The following CACNA2D1 variants were observed in gnomAD, a reference collection of about 807,000 sequenced individuals.
CACNA2D1 encodes the protein voltage-dependent calcium channel subunit alpha-2/delta-1.
Under a neutral mutation model 171.5 loss-of-function variants are expected in CACNA2D1, and 53 were observed. That is an observed-to-expected ratio of 0.31 (90% confidence interval 0.25 to 0.39). The LOEUF is 0.39. Ranked by LOEUF, CACNA2D1 falls within the 10% of genes least tolerant of loss-of-function variation. The pLI, the probability that CACNA2D1 is intolerant of heterozygous loss-of-function variation, is 1.00. For synonymous variants in CACNA2D1, 442 were observed against 443.1 expected (o/e 1.00, Z 0.03); for missense variants, 903 against 1,299.8 (o/e 0.69, Z 4.69).
intron 3 of CACNA2D1, among the ~76,000 whole-genome samples, chr7:82,257,733 G>T (rs578217590): frequency 1.3e-5 from 2 of 152,208 alleles, no homozygotes; most frequent in East Asian, 3.9e-4. Context: ...ATCTGGACTG[G>T]TTCTCACATT....
chr7:82,333,171 A>G (rs1354330943), intron 3 of CACNA2D1, among the ~76,000 whole-genome samples: 1 of 152,236 alleles, frequency 6.6e-6, no homozygotes, highest in African/African-American at 2.4e-5. Context: ...AAAGATATCA[A>G]TTCTTCTCAA....
At chr7:82,219,383 C>A (rs1801511819) in intron 3 of CACNA2D1, among the ~76,000 whole-genome samples, 1 of 151,948 alleles carries the variant, frequency 6.6e-6, no homozygotes, top group Admixed American at 6.6e-5. Context: ...ATTTCTGTAT[C>A]ACTTAAATGA....
chr7:81,983,179 T>G, intron 23 of CACNA2D1, 135 bp downstream of exon 23: 1 of 736,250 alleles, frequency 1.4e-6, no homozygotes, highest in Non-Finnish European at 2.4e-6. Context: ...TTTTTGCTGC[T>G]AAGTTTTGAG....
In CACNA2D1 at chr7:82,083,558, ATTCCACTATTATAAT is replaced by A. The variant is rs1287591655; in HGVS notation, c.658+1196_658+1210del. 2.0e-5 allele frequency among the ~76,000 whole-genome samples: 3 copies of A among 152,220 alleles called. No homozygotes were observed. The East Asian group carries it at 5.8e-4, about 29-fold the overall frequency. The stretch of plus-strand genomic sequence containing the variant: ...GTGAACAATATTCCATAAAGGGAAA[ATTCCACTATTATAAT>A]GATAAACTATGTAATATATTCCCAT... On this transcript the variant is annotated intron_variant, in intron 7 of 38. Coordinates refer to ENST00000356860, the MANE Select transcript of CACNA2D1 (RefSeq NM_000722.4).
intron 10 of CACNA2D1, among the ~76,000 whole-genome samples, chr7:82,039,521 ACATTAT>A (rs1486410242): frequency 6.6e-6 from 1 of 152,194 alleles, no homozygotes; most frequent in Non-Finnish European, 1.5e-5. Context: ...TGCAAGATAA[ACATTAT>A]CATTATCCCC....
Position 82,128,631 on chromosome 7 carries a change from C to A in CACNA2D1, c.396+8004G>T, listed in dbSNP as rs530544849. ...TCAATAGATTACACTCGAATGTATC[C>A]TTCTTTCTACACAAACATGATCCTG... is the stretch of plus-strand genomic sequence containing the variant. On this transcript the variant is annotated intron_variant, in intron 5 of 38. Transcript: ENST00000356860. Among the ~76,000 whole-genome samples, 112 of 152,240 alleles carry A rather than the reference C, an allele frequency of 7.4e-4. 2 individuals are homozygous for A. The highest frequency in any genetic ancestry group is 2.6e-3 in the African/African-American group (110 of 41,542).
rs141049865 is a variant in CACNA2D1 at position 82,161,693 on chromosome 7, A to G, written c.354+8857T>C. 5.8e-3 allele frequency among the ~76,000 whole-genome samples: 880 copies of G among 152,188 alleles called. 8 individuals carry two copies. The highest frequency in any genetic ancestry group is 0.02 in the African/African-American group (830 of 41,560). ...GCTGATGGAGAAAAGTAATAGAAAT[A>G]ATAGTTCACTTGCGAATGTTAGTCT... On this transcript the variant is annotated intron_variant, in intron 4 of 38. Coordinates refer to ENST00000356860, the MANE Select transcript of CACNA2D1 (RefSeq NM_000722.4).
rs1474580913 is a variant in CACNA2D1, at chr7:82,370,432, ACTC to A, written c.96-20786_96-20784del. ...AAATGATTAAAATTAGTGATAAGAAACTCAGCCTCATTAATAACCAATTAAATA... is the reference window on the plus strand; with the variant it reads ...AAATGATTAAAATTAGTGATAAGAAAAGCCTCATTAATAACCAATTAAATA... On this transcript the variant is annotated intron_variant, in intron 1 of 38. Transcript: ENST00000356860. 3.3e-5 allele frequency among the ~76,000 whole-genome samples: 5 copies of A among 152,052 alleles called. No individual in the cohort carries two copies. In the East Asian group the frequency reaches 9.6e-4, roughly 29 times the overall value.
At chr7:82,262,590 A>C (rs1467370221) in intron 3 of CACNA2D1, among the ~76,000 whole-genome samples, 1 of 152,180 alleles carries the variant, frequency 6.6e-6, no homozygotes, top group Non-Finnish European at 1.5e-5. Context: ...GTCAGGACTC[A>C]GAAAATGATA....
intron 7 of CACNA2D1, among the ~76,000 whole-genome samples, chr7:82,077,260 C>CATTTA (rs1277544556): frequency 6.6e-6 from 1 of 152,136 alleles, no homozygotes; most frequent in African/African-American, 2.4e-5. Flanking sequence ...AGCCCCCTGC[C>CATTTA]ATTTAGCTGG....
chr7:82,176,843 A>G (rs976326879), intron 3 of CACNA2D1, among the ~76,000 whole-genome samples: 3 of 152,052 alleles, frequency 2.0e-5, no homozygotes, highest in African/African-American at 4.8e-5. Flanking sequence ...TATACCATAT[A>G]CATCATATAC....
intron 4 of CACNA2D1, among the ~76,000 whole-genome samples, chr7:82,160,016 T>A (rs1024630926): frequency 6.6e-6 from 1 of 151,182 alleles, no homozygotes; most frequent in Non-Finnish European, 1.5e-5. Context: ...AAATAAGATG[T>A]ACAAGATGTA....
chr7:82,127,570 C>G (rs779873592), intron 5 of CACNA2D1, among the ~76,000 whole-genome samples: 9 of 152,130 alleles, frequency 5.9e-5, no homozygotes, highest in South Asian at 2.1e-4. Flanking sequence ...TACACATATT[C>G]TATTGTATAA....
At chr7:81,970,426 C>A (rs1185557860) in intron 27 of CACNA2D1, among the ~76,000 whole-genome samples, 1 of 151,502 alleles carries the variant, frequency 6.6e-6, no homozygotes, top group Admixed American at 6.6e-5. Context: ...AGAGAAAAAT[C>A]TCTTTAAACG....
intron 21 of CACNA2D1, 124 bp downstream of exon 21, chr7:81,991,061 A>C (rs1266393790): frequency 5.0e-6 from 3 of 594,926 alleles, no homozygotes; most frequent in Non-Finnish European, 9.3e-6. Context: ...TTAGTCTATA[A>C]GTTTAGTATG....
intron 2 of CACNA2D1, among the ~76,000 whole-genome samples, chr7:82,336,830 T>A (rs992112432): frequency 3.3e-5 from 5 of 152,198 alleles, no homozygotes; most frequent in African/African-American, 9.6e-5. Flanking sequence ...CCAATAGAGC[T>A]AATTGGTGTG....
intron 6 of CACNA2D1, among the ~76,000 whole-genome samples, chr7:82,096,387 A>G (rs1811864556): frequency 6.6e-6 from 1 of 152,154 alleles, no homozygotes; most frequent in Admixed American, 6.5e-5. Context: ...ACTGGAAGAG[A>G]AACACAATAA....
intron 6 of CACNA2D1, among the ~76,000 whole-genome samples, chr7:82,111,141 G>C (rs1196212657): frequency 6.6e-6 from 1 of 151,028 alleles, no homozygotes; most frequent in East Asian, 1.9e-4. Flanking sequence ...ATATATATTT[G>C]AAGTTAGTTT....
intron 2 of CACNA2D1, among the ~76,000 whole-genome samples, chr7:82,337,828 A>C (rs1280445262): frequency 6.6e-6 from 1 of 152,130 alleles, no homozygotes; most frequent in Non-Finnish European, 1.5e-5. Flanking sequence ...AGTTTCCCTA[A>C]AGTTGAAGTT....
Sources: allele counts gnomAD v4.1 joint callset (sites outside exome capture counted in the v4.1 genomes callset), GRCh38; gene constraint gnomAD v4.1.1; transcripts MANE v1.5; gene names NCBI Gene and HGNC (gene_info 2026-07-23, HGNC 2026-07-21).